Variants in ABCB11 observed in about 807,000 individuals in gnomAD.
The protein encoded by ABCB11 is bile salt export pump.
In ABCB11, 95 loss-of-function variants were observed where a neutral mutation model predicts 148.0. The observed-to-expected ratio is 0.64, with a 90% CI of 0.54 to 0.76. The LOEUF (loss-of-function observed/expected upper bound fraction) is 0.76, where lower values mean the gene tolerates loss of function less well. ABCB11 is among the 30% of genes least tolerant of loss of function. ABCB11 has a pLI of 0.00. For missense variants in ABCB11, 1,523 were observed against 1,617.8 expected (o/e 0.94, Z 1.01); for synonymous variants, 591 against 555.4 (o/e 1.06, Z -0.90).
At chr2:168,937,757 T>G (rs1574408010) in intron 21 of ABCB11, among the ~76,000 whole-genome samples, 1 of 152,208 alleles carries the variant, frequency 6.6e-6, no homozygotes, top group Non-Finnish European at 1.5e-5. Context: ...TGATTCTCAT[T>G]GAAGTTAGCC....
At chr2:168,950,272 C>T (rs1367120394) in intron 19 of ABCB11, among the ~76,000 whole-genome samples, 2 of 151,262 alleles carry the variant, frequency 1.3e-5, no homozygotes, top group African/African-American at 2.4e-5. Context: ...TTCTGTCCCT[C>T]TAGAGAACGC....
At position 168,935,393 on chromosome 2, in the gene ABCB11, A is replaced by G; in HGVS notation, c.2847T>C (p.Thr949=). Residue 949 remains threonine, a synonymous_variant, in exon 23 of 28, where the codon ACT becomes ACC. Coordinates refer to ENST00000650372, the MANE Select transcript of ABCB11 (RefSeq NM_003742.4). ...GCCTCTCCTTTCCAATTCCAGCAAC[A>G]GTGCGGATGTTACTGAGGGCTTCAT... The part of the protein sequence containing the change: ...ITNEALSNIR[T]VAGIGKERRF... 1 of 1,613,924 alleles carries G rather than the reference A, an allele frequency of 6.2e-7. No homozygotes were observed. The highest frequency in any genetic ancestry group is 8.5e-7 in the Non-Finnish European group (1 of 1,179,814).
rs1694611260 is a variant in ABCB11 at position 168,993,567 on chromosome 2, T to A, written c.783+144A>T. On this transcript the variant is annotated intron_variant, in intron 8 of 27. Transcript: ENST00000650372. ...TATTCGATGAAATGTCATTTGACAC[T>A]GGGGAGTAATCTAACAAACTACATG... The A allele has an allele frequency of 4.3e-6, 3 of 699,664 alleles. No individual in the cohort carries two copies. The African/African-American group carries it at 5.4e-5, about 13-fold the overall frequency. The allele number at this position is 699,664 out of a possible 1,614,324, so 43.3% of individuals were successfully genotyped here. A position where few individuals can be genotyped will look rare whatever the true frequency, so the allele number is the denominator to read the frequency against.
intron 19 of ABCB11, among the ~76,000 whole-genome samples, 155 bp from the exon 20 acceptor site, chr2:168,945,116 G>C (rs1692243995): frequency 6.6e-6 from 1 of 151,732 alleles, no homozygotes; most frequent in Non-Finnish European, 1.5e-5. Context: ...TGTAAGCTGT[G>C]GATCTGTGAT....
At position 168,996,655 on chromosome 2, in the gene ABCB11, G is replaced by A. The variant is rs866922858; in HGVS notation, c.457C>T (p.Leu153Phe). 1 of 1,562,656 alleles carries A rather than the reference G, an allele frequency of 6.4e-7. No individual in the cohort carries two copies. ...CTAACTTGAATATATCCTGTGATAA[G>A]TACTGCGACAGCAATTCCAGCATAG... The part of the protein sequence containing the change: ...SYYAGIAVAV[L>F]ITGYIQICFW... The change falls in exon 6 of 28, where the codon CTT becomes TTT. Residue 153 changes from leucine to phenylalanine, a missense_variant. Leu to Phe is a conservative substitution (Grantham distance 22). Coordinates refer to ENST00000650372, the MANE Select transcript of ABCB11 (RefSeq NM_003742.4).
chr2:168,979,965 G>A lies in ABCB11; in HGVS notation c.1098C>T (p.Val366=), dbSNP rs565224768. The A allele has an allele frequency of 6.9e-6, 11 of 1,603,702 alleles. No homozygotes were observed. The African/African-American group carries it at 1.3e-4, about 19-fold the overall frequency. The part of the protein sequence containing the change: ...PGTLVQIFLS[V]IVGALNLGNA... The stretch of plus-strand genomic sequence containing the variant: ...TGCCAAGATTTAAAGCTCCTACTAT[G>A]ACACTGAGGAAAATCTGAAATGAAA... Residue 366 remains valine (V), a synonymous_variant, in exon 11 of 28, where the codon GTC becomes GTT. Transcript: ENST00000650372.
At chr2:168,981,168 C>A (rs1398745479) in intron 10 of ABCB11, among the ~76,000 whole-genome samples, 1 of 152,154 alleles carries the variant, frequency 6.6e-6, no homozygotes, top group African/African-American at 2.4e-5. Context: ...TTCCTTGTGG[C>A]TGGAGTGTCT....
chr2:168,969,667 T>G, intron 15 of ABCB11, 116 bp from the exon 16 acceptor site: 1 of 936,896 alleles, frequency 1.1e-6, no homozygotes, highest in Non-Finnish European at 1.6e-6. Context: ...GGAATATTCT[T>G]AAATAGGCTG....
At chr2:169,006,672 A>G (rs1695029262) in intron 5 of ABCB11, among the ~76,000 whole-genome samples, 1 of 152,182 alleles carries the variant, frequency 6.6e-6, no homozygotes, top group African/African-American at 2.4e-5. Flanking sequence ...TAAAGAGCCC[A>G]CTAAAAAACT....
chr2:168,935,235 T>C lies in ABCB11; in HGVS notation c.3005A>G (p.Tyr1002Cys), dbSNP rs1235000659. 1.9e-6 allele frequency: 3 copies of C among 1,613,872 alleles called. No homozygotes were observed. The highest frequency in any genetic ancestry group is 2.5e-6 in the Non-Finnish European group (3 of 1,179,886). Reference sequence around the variant, plus strand: ...CTCATTGGAGATTAAGTAACCTCCATATCTGTAGGAAGCAGAATTCGCAAT... The same window carrying C: ...CTCATTGGAGATTAAGTAACCTCCACATCTGTAGGAAGCAGAATTCGCAAT... ...MFIANSASYR[Y>C]GGYLISNEGL... Residue 1002 changes from tyrosine to cysteine, a missense_variant, in exon 23 of 28, where the codon TAT (tyrosine) becomes TGT (cysteine). By Grantham distance (194) the Tyr-to-Cys change is radical (BLOSUM62 -2). Transcript: ENST00000650372.
intron 19 of ABCB11, among the ~76,000 whole-genome samples, chr2:168,950,929 T>A (rs1692532951): frequency 6.6e-6 from 1 of 151,664 alleles, no homozygotes; most frequent in South Asian, 2.1e-4. Flanking sequence ...TTAGGTGTTC[T>A]ATCTATCTTG....
At chr2:168,915,915 G>C (rs2105865003), downstream of ABCB11, among the ~76,000 whole-genome samples, 1 of 152,284 alleles carries the variant, frequency 6.6e-6, no homozygotes. Context: ...TGTCAAGAGA[G>C]ACAACACCTG....
intron 5 of ABCB11, among the ~76,000 whole-genome samples, chr2:169,007,355 G>C (rs777667585): frequency 6.6e-6 from 1 of 152,148 alleles, no homozygotes; most frequent in Non-Finnish European, 1.5e-5. Flanking sequence ...ACTCAAAGTG[G>C]ATCGTAGACT....
Position 168,932,503 on chromosome 2 carries a change from T to C in ABCB11, c.3087A>G (p.Thr1029=). ...RVISAVVLSA[T]ALGRAFSYTP... ...TGTAAGAGAAGGCTCTTCCAAGAGC[T>C]GTTGCACTCAGTACAACTGCAGAGA... The change falls in exon 24 of 28, where the codon ACA becomes ACG. Residue 1029 remains threonine, a synonymous_variant. Coordinates refer to ENST00000650372, the MANE Select transcript of ABCB11 (RefSeq NM_003742.4). 1 of 1,613,754 alleles carries C rather than the reference T, an allele frequency of 6.2e-7. No homozygotes were observed. Among genetic ancestry groups the C allele is most frequent in the Non-Finnish European group, 8.5e-7 (1 of 1,179,802 alleles).
rs572639604 is a variant in ABCB11 at position 168,921,410 on chromosome 2, A to G, written c.*2212T>C. On this transcript the variant is annotated 3_prime_UTR_variant, in exon 28 of 28. Coordinates refer to ENST00000650372, the MANE Select transcript of ABCB11 (RefSeq NM_003742.4). ...GAGGAAGCTGGAGTAGGGAGAAAACATGATGGCAGGATAGGTTGGTGGGAA... is the reference window on the plus strand; with the variant it reads ...GAGGAAGCTGGAGTAGGGAGAAAACGTGATGGCAGGATAGGTTGGTGGGAA... Among the ~76,000 whole-genome samples the G allele has an allele frequency of 1.3e-5, 2 of 152,280 alleles. No homozygotes were observed. Among genetic ancestry groups the G allele is most frequent in the East Asian group, 1.9e-4 (1 of 5,188 alleles).
At chr2:169,003,919 C>T (rs1694949984) in intron 5 of ABCB11, among the ~76,000 whole-genome samples, 1 of 152,070 alleles carries the variant, frequency 6.6e-6, no homozygotes, top group African/African-American at 2.4e-5. Flanking sequence ...AAGTTAAGTG[C>T]CATTGGATAC....
intron 1 of ABCB11, among the ~76,000 whole-genome samples, chr2:169,028,490 G>T (rs994692382): frequency 3.3e-5 from 5 of 152,072 alleles, no homozygotes; most frequent in Non-Finnish European, 7.4e-5. Context: ...GGCAGGGAAG[G>T]ACACATGCAA....
At chr2:168,965,034 A>T (rs1322408121) in intron 17 of ABCB11, among the ~76,000 whole-genome samples, 1 of 151,858 alleles carries the variant, frequency 6.6e-6, no homozygotes, top group Non-Finnish European at 1.5e-5. Flanking sequence ...GTAAAGAAGA[A>T]TGTGGTAAGT....
intron 9 of ABCB11, among the ~76,000 whole-genome samples, chr2:168,989,179 G>A (rs572846673): frequency 3.8e-4 from 58 of 152,126 alleles, no homozygotes; most frequent in African/African-American, 1.3e-3. Context: ...TTTTGGGGTT[G>A]TGTCAAAAAA....
Sources: gnomAD v4.1 joint callset for allele counts (sites outside exome capture counted in the v4.1 genomes callset) on GRCh38, gnomAD v4.1.1 for gene constraint, MANE v1.5 for transcripts, NCBI Gene and HGNC (gene_info 2026-07-23, HGNC 2026-07-21) for gene names.